ATP2B1: variants seen among roughly 807,000 people sequenced by gnomAD.
The protein encoded by ATP2B1 is ATPase plasma membrane Ca2+ transporting 1.
ATP2B1 carries 14 observed loss-of-function variants against 124.2 expected under a neutral mutation model. The ratio of observed to expected loss-of-function variants is 0.11; its 90% confidence interval spans 0.07 to 0.18. ATP2B1 has a LOEUF of 0.18. Ranked by LOEUF, ATP2B1 falls within the 10% of genes least tolerant of loss-of-function variation. The pLI, the probability that ATP2B1 is intolerant of heterozygous loss-of-function variation, is 1.00. For synonymous variants in ATP2B1, 449 were observed against 492.4 expected (o/e 0.91, Z 1.17); for missense variants, 763 against 1,466.1 (o/e 0.52, Z 7.83).
chr12:89,622,440 C>T (rs1355600709), intron 9 of ATP2B1, among the ~76,000 whole-genome samples: 1 of 151,888 alleles, frequency 6.6e-6, no homozygotes, highest in Non-Finnish European at 1.5e-5. Context: ...TCATTTACAA[C>T]AGAAAAAATC....
chr12:89,602,162 T>C (rs1372002645), intron 18 of ATP2B1, among the ~76,000 whole-genome samples: 3 of 152,192 alleles, frequency 2.0e-5, no homozygotes, highest in Non-Finnish European at 2.9e-5. Context: ...TTGGGTGTGG[T>C]GACTCATACC....
chr12:89,652,273 A>C (rs879324143), intron 2 of ATP2B1, among the ~76,000 whole-genome samples: 3 of 152,108 alleles, frequency 2.0e-5, no homozygotes, highest in Non-Finnish European at 4.4e-5. Flanking sequence ...ATTCTTACAT[A>C]AAGTCTCTAA....
At chr12:89,648,328 T>C (rs1884781530) in intron 2 of ATP2B1, among the ~76,000 whole-genome samples, 1 of 152,156 alleles carries the variant, frequency 6.6e-6, no homozygotes, top group Non-Finnish European at 1.5e-5. Context: ...AGTTCTCAGA[T>C]GGAAATGAGA....
At chr12:89,693,931 T>C (rs752609646) in intron 1 of ATP2B1, among the ~76,000 whole-genome samples, 8 of 152,182 alleles carry the variant, frequency 5.3e-5, no homozygotes, top group African/African-American at 1.9e-4. Context: ...AAAATTATCC[T>C]ACACCTCTCT....
At chr12:89,593,761 GAGA>G (rs1164432970) in intron 20 of ATP2B1, 5 of 151,946 alleles carry the variant, frequency 3.3e-5, no homozygotes, top group African/African-American at 4.8e-5. Flanking sequence ...CTTCAATTCT[GAGA>G]AGATTTTTCC....
intron 12 of ATP2B1, among the ~76,000 whole-genome samples, chr12:89,614,949 CCT>C (rs1034997418): frequency 2.0e-5 from 3 of 152,128 alleles, no homozygotes; most frequent in African/African-American, 4.8e-5. Context: ...ATCTCTAATC[CCT>C]GTCTTACACG....
chr12:89,655,812 T>G lies in ATP2B1; in HGVS notation c.75A>C (p.Gly25=). The G allele has an allele frequency of 6.2e-7, 1 of 1,614,144 alleles. No individual in the cohort carries two copies. Among genetic ancestry groups the G allele is most frequent in the Non-Finnish European group, 8.5e-7 (1 of 1,179,974 alleles). Residue 25 remains glycine, a synonymous_variant, in exon 2 of 21, where the codon GGA becomes GGC. Coordinates refer to ENST00000428670, the MANE Select transcript of ATP2B1 (RefSeq NM_001366521.1). ...KNSLKEANHD[G]DFGITLAELR... is the part of the protein sequence containing the mutation. ...GCTCTGCGAGCGTAATTCCAAAGTC[T>G]CCATCATGATTAGCTTCCTTCAAAG...
chr12:89,631,866 A>G (rs1478651692), intron 5 of ATP2B1, among the ~76,000 whole-genome samples: 2 of 149,500 alleles, frequency 1.3e-5, no homozygotes, highest in East Asian at 2.0e-4. Flanking sequence ...GCTGGTCTCC[A>G]TAATTGTCTC....
chr12:89,648,895 G>T (rs1308110092), intron 2 of ATP2B1, among the ~76,000 whole-genome samples: 14 of 152,240 alleles, frequency 9.2e-5, no homozygotes, highest in Admixed American at 9.2e-4. Flanking sequence ...GCTCAAAGGG[G>T]CCCAGGAACA....
intron 1 of ATP2B1, among the ~76,000 whole-genome samples, chr12:89,702,501 C>T (rs1410620775): frequency 2.6e-5 from 4 of 152,184 alleles, no homozygotes; most frequent in African/African-American, 9.7e-5. Context: ...AGAGAACTCA[C>T]TCACAGGGTT....
At chr12:89,598,590 A>G (rs1565798093) in intron 20 of ATP2B1, 2 of 1,612,820 alleles carry the variant, frequency 1.2e-6, no homozygotes, top group African/African-American at 1.3e-5. Flanking sequence ...ACACACTCAC[A>G]CCCCACAGTA....
intron 3 of ATP2B1, among the ~76,000 whole-genome samples, chr12:89,639,381 A>G (rs1003385989): frequency 1.3e-5 from 2 of 152,020 alleles, no homozygotes; most frequent in South Asian, 2.1e-4. Context: ...GCACATGCCT[A>G]TAGTCCCAGC....
chr12:89,707,450 A>C (rs899517262), intron 1 of ATP2B1, among the ~76,000 whole-genome samples: 5 of 152,218 alleles, frequency 3.3e-5, no homozygotes, highest in African/African-American at 9.6e-5. Flanking sequence ...ATATACCTAC[A>C]CACGTATGAA....
rs1271571848 is a variant in ATP2B1 at position 89,630,639 on chromosome 12, T to C, written c.794A>G (p.His265Arg). ...DKDPLLLSGT[H>R]VMEGSGRMVV... ...CATTCTTCCAGAGCCTTCCATTACATGAGTACCTATAACCAAAAACATAGT... is the reference window on the plus strand; with the variant it reads ...CATTCTTCCAGAGCCTTCCATTACACGAGTACCTATAACCAAAAACATAGT... The change falls in exon 6 of 21, where the codon CAT becomes CGT. Residue 265 changes from histidine (H) to arginine (R), a missense_variant. By Grantham distance (29) the His-to-Arg change is conservative (BLOSUM62 0). This residue lies in a region of ATP2B1 where 392 missense variants were observed against 776.6 expected (regional missense o/e 0.50). Coordinates refer to ENST00000428670, the MANE Select transcript of ATP2B1 (RefSeq NM_001366521.1). 1.3e-6 allele frequency: 2 copies of C among 1,550,762 alleles called. No individual in the cohort carries two copies. Among genetic ancestry groups the C allele is most frequent in the African/African-American group, 1.4e-5 (1 of 72,258 alleles).
intron 20 of ATP2B1, among the ~76,000 whole-genome samples, chr12:89,595,673 A>T (rs1874438927): frequency 6.6e-6 from 1 of 152,102 alleles, no homozygotes; most frequent in Admixed American, 6.6e-5. Context: ...ATATATTAAC[A>T]TAGTTCTATA....
chr12:89,670,190 T>C (rs1887768874), intron 1 of ATP2B1, among the ~76,000 whole-genome samples: 1 of 152,120 alleles, frequency 6.6e-6, no homozygotes, highest in African/African-American at 2.4e-5. Flanking sequence ...AGAACTGACA[T>C]ACTGTAAATG....
chr12:89,700,248 G>GAC (rs1239559215), intron 1 of ATP2B1, among the ~76,000 whole-genome samples: 1 of 152,096 alleles, frequency 6.6e-6, no homozygotes, highest in East Asian at 1.9e-4. Context: ...TCGACATGCA[G>GAC]ACAGTTTGAT....
At position 89,589,289 on chromosome 12, in the gene ATP2B1, T is replaced by C. The variant is rs1873137170; in HGVS notation, c.*1695A>G. 6.6e-6 allele frequency: 1 copy of C among 152,606 alleles called. No individual in the cohort carries two copies. The highest frequency in any genetic ancestry group is 2.4e-5 in the African/African-American group (1 of 41,528). 9.5% of individuals were successfully genotyped at this position (152,606 alleles called of 1,614,324 possible). On this transcript the variant is annotated 3_prime_UTR_variant, in exon 21 of 21. Transcript: ENST00000428670. ...TTTATGTCAGCCTGAGGATTGTGTATCTGGTGAAATCTGGGCCCTAACACA... is the reference window on the plus strand; with the variant it reads ...TTTATGTCAGCCTGAGGATTGTGTACCTGGTGAAATCTGGGCCCTAACACA...
intron 1 of ATP2B1, among the ~76,000 whole-genome samples, chr12:89,680,088 C>G (rs1889149498): frequency 6.6e-6 from 1 of 152,048 alleles, no homozygotes; most frequent in African/African-American, 2.4e-5. Flanking sequence ...AACTAAGAAC[C>G]TAGTTCACAA....
Sources: allele counts gnomAD v4.1 joint callset (sites outside exome capture counted in the v4.1 genomes callset), GRCh38; gene constraint gnomAD v4.1.1; regional missense constraint gnomAD v4.1.1; transcripts MANE v1.5; gene names NCBI Gene and HGNC (gene_info 2026-07-23, HGNC 2026-07-21).